CREB3L1: variants seen among roughly 807,000 people sequenced by gnomAD.
The protein encoded by CREB3L1 is cAMP responsive element binding protein 3 like 1.
CREB3L1 carries 33 observed loss-of-function variants against 54.5 expected under a neutral mutation model. That is an observed-to-expected ratio of 0.61 (90% confidence interval 0.46 to 0.81). CREB3L1 has a LOEUF of 0.81. Among genes scored for constraint, CREB3L1 ranks in the 30% least tolerant of loss-of-function variants. The probability of loss-of-function intolerance (pLI) is 0.00; values close to 1 mark genes in which losing one functional copy is unlikely to be tolerated. For synonymous variants in CREB3L1, 284 were observed against 286.4 expected, an observed-to-expected ratio of 0.99 and a Z score of 0.08; for missense variants, 656 against 673.3, an observed-to-expected ratio of 0.97 and a Z score of 0.29.
At chr11:46,319,892 A>G (rs1441260726) in intron 10 of CREB3L1, among the ~76,000 whole-genome samples, 34 of 148,504 alleles carry the variant, frequency 2.3e-4, no homozygotes, top group African/African-American at 1.5e-4. Flanking sequence ...AAAAAAAAAA[A>G]GGGAGATAGA....
At chr11:46,313,618 G>A (rs772103567) in intron 8 of CREB3L1, among the ~76,000 whole-genome samples, 6 of 151,864 alleles carry the variant, frequency 4.0e-5, no homozygotes, top group Non-Finnish European at 4.4e-5. Context: ...TCCGAGAGGC[G>A]GCAGTTGCAG....
Position 46,312,905 on chromosome 11 carries a change from G to T in CREB3L1, c.1017G>T (p.Leu339=). ...AACTGTGGAAGAAGGTGGAGACCCT[G>T]GAGAATGCCAACAGGTGGGTAGTGC... is the stretch of plus-strand genomic sequence containing the variant. ...NNELWKKVET[L]ENANRTLLQQ... is the part of the protein sequence containing the mutation. Residue 339 remains leucine (L), a synonymous_variant, in exon 8 of 12, where the codon CTG becomes CTT. Transcript: ENST00000621158. The T allele has an allele frequency of 1.9e-6, 3 of 1,586,988 alleles. No homozygotes were observed. The highest frequency in any genetic ancestry group is 2.6e-6 in the Non-Finnish European group (3 of 1,166,944).
chr11:46,286,030 C>A (rs999158399), intron 1 of CREB3L1, among the ~76,000 whole-genome samples: 1 of 152,246 alleles, frequency 6.6e-6, no homozygotes, highest in Non-Finnish European at 1.5e-5. Flanking sequence ...TGCTGTGTGA[C>A]CCTGGGCAAA....
chr11:46,285,702 G>A (rs145140630), intron 1 of CREB3L1, among the ~76,000 whole-genome samples: 97 of 152,268 alleles, frequency 6.4e-4, no homozygotes, highest in African/African-American at 2.2e-3. Context: ...TTCCTTGGCC[G>A]TTGGCTCGTG....
chr11:46,280,197 G>GTTTTTTTTTTTGTT (rs200037362), intron 1 of CREB3L1, among the ~76,000 whole-genome samples: 11 of 145,220 alleles, frequency 7.6e-5, no homozygotes, highest in Admixed American at 2.7e-4. Context: ...TTTGTTTTTT[G>GTTTTTTTTTTTGTT]TTTTTTTTCA....
intron 10 of CREB3L1, among the ~76,000 whole-genome samples, 181 bp downstream of exon 10, chr11:46,317,668 T>G (rs937376218): frequency 1.3e-5 from 2 of 152,140 alleles, no homozygotes; most frequent in African/African-American, 2.4e-5. Flanking sequence ...TGCTCAGTGT[T>G]TGTGGTAGAA....
At chr11:46,292,626 T>C (rs1939146695) in intron 1 of CREB3L1, among the ~76,000 whole-genome samples, 1 of 152,182 alleles carries the variant, frequency 6.6e-6, no homozygotes, top group Non-Finnish European at 1.5e-5. Flanking sequence ...TTCTAAGTTT[T>C]AGAAGATCCC....
chr11:46,289,357 C>T (rs2136338129), intron 1 of CREB3L1, among the ~76,000 whole-genome samples: 1 of 152,302 alleles, frequency 6.6e-6, no homozygotes, highest in Non-Finnish European at 1.5e-5. Flanking sequence ...CCAGCCTGGG[C>T]AACAGAGTGA....
intron 3 of CREB3L1, among the ~76,000 whole-genome samples, chr11:46,308,825 C>G (rs533453694): frequency 5.3e-5 from 8 of 152,190 alleles, no homozygotes; most frequent in African/African-American, 1.9e-4. Context: ...GATCAAGGGT[C>G]GGCGGCAAAT....
Position 46,300,021 on chromosome 11 carries a change from G to A in CREB3L1, c.189G>A (p.Val63=), listed in dbSNP as rs1262994356. The A allele has an allele frequency of 8.7e-6, 14 of 1,613,860 alleles. No homozygotes were observed. Among genetic ancestry groups the A allele is most frequent in the Admixed American group, 1.7e-5 (1 of 59,996 alleles). ...DLFSSFFDDP[V]LDEKSPLLDM... is the part of the protein sequence containing the mutation. ...TCAGCAGCTTCTTTGATGACCCTGT[G>A]CTGGATGAGAAGAGCCCTCTATTGG... Residue 63 remains valine (V), a synonymous_variant, in exon 2 of 12, where the codon GTG becomes GTA. Coordinates refer to ENST00000621158, the MANE Select transcript of CREB3L1 (RefSeq NM_052854.4).
chr11:46,290,932 C>T (rs1939121015), intron 1 of CREB3L1, among the ~76,000 whole-genome samples: 2 of 152,162 alleles, frequency 1.3e-5, no homozygotes, highest in African/African-American at 4.8e-5. Flanking sequence ...CAGCACTCCC[C>T]GCTCCCCTCA....
At chr11:46,281,617 C>A (rs1414611703) in intron 1 of CREB3L1, among the ~76,000 whole-genome samples, 2 of 152,222 alleles carry the variant, frequency 1.3e-5, no homozygotes, top group Non-Finnish European at 2.9e-5. Context: ...ACCAGCCCAG[C>A]ATTGCGGGGA....
At chr11:46,317,312 G>T in intron 9 of CREB3L1, 49 bp from the exon 10 acceptor site, 1 of 1,609,162 alleles carries the variant, frequency 6.2e-7, no homozygotes. Flanking sequence ...GGTCAGGGCC[G>T]TGGCCCCTCC....
At chr11:46,312,800 G>T in intron 7 of CREB3L1, 51 bp from the exon 8 acceptor site, 2 of 1,557,324 alleles carry the variant, frequency 1.3e-6, no homozygotes, top group Non-Finnish European at 1.7e-6. Flanking sequence ...CCGAGGAGCT[G>T]TTGTGAGTCT....
intron 1 of CREB3L1, among the ~76,000 whole-genome samples, chr11:46,285,714 C>T (rs577779003): frequency 7.2e-5 from 11 of 152,286 alleles, no homozygotes; most frequent in Non-Finnish European, 1.5e-4. Flanking sequence ...TGGCTCGTGG[C>T]TCGTGGCCCA....
intron 10 of CREB3L1, among the ~76,000 whole-genome samples, chr11:46,319,630 C>G (rs1447128234): frequency 6.6e-6 from 1 of 152,102 alleles, no homozygotes; most frequent in Non-Finnish European, 1.5e-5. Context: ...GTAATCTCAG[C>G]ACTTTGGGAG....
Position 46,312,493 on chromosome 11 carries a change from G to A in CREB3L1, c.903+19G>A, listed in dbSNP as rs369228943. On this transcript the variant is annotated intron_variant, in intron 6 of 11. Transcript: ENST00000621158. ...GAACAAGGTAAAGCCTGCCACCCTG[G>A]GGCTTCAGAGGGCTTCCTTGGTGGG... The A allele has an allele frequency of 3.7e-6, 6 of 1,610,830 alleles. No individual in the cohort carries two copies. The highest frequency in any genetic ancestry group is 5.1e-6 in the Non-Finnish European group (6 of 1,178,038).
At chr11:46,307,257 T>C (rs1219094433) in intron 2 of CREB3L1, among the ~76,000 whole-genome samples, 1 of 152,090 alleles carries the variant, frequency 6.6e-6, no homozygotes, top group Non-Finnish European at 1.5e-5. Flanking sequence ...TAATTTTGTG[T>C]GTGTGTATTT....
At position 46,278,466 on chromosome 11, in the gene CREB3L1, G is replaced by C. The variant is rs1178801841; in HGVS notation, c.102+253G>C. 1.3e-5 allele frequency among the ~76,000 whole-genome samples: 2 copies of C among 152,224 alleles called. No homozygotes were observed. Among genetic ancestry groups the C allele is most frequent in the African/African-American group, 4.8e-5 (2 of 41,466 alleles). ...TCGGGTCCGTCCGATCCTCGGATCT[G>C]AGCTCAAGAGACACCAATCCCGCCC... On this transcript the variant is annotated intron_variant, in intron 1 of 11. Coordinates refer to ENST00000621158, the MANE Select transcript of CREB3L1 (RefSeq NM_052854.4). The surrounding 1 kb of genome is among the most constrained non-coding windows in gnomAD (Gnocchi z 4.2).
Sources: allele counts gnomAD v4.1 joint callset (sites outside exome capture counted in the v4.1 genomes callset), GRCh38; gene constraint gnomAD v4.1.1; non-coding constraint Gnocchi (gnomAD v3.1); transcripts MANE v1.5; gene names NCBI Gene and HGNC (gene_info 2026-07-23, HGNC 2026-07-21).